Variants in HERC2 observed in about 807,000 individuals in gnomAD.
HERC2 encodes the protein HECT and RLD domain containing E3 ubiquitin protein ligase 2.
HERC2 carries 102 observed loss-of-function variants against 537.7 expected under a neutral mutation model. The observed-to-expected ratio is 0.19, with a 90% CI of 0.16 to 0.22. The LOEUF (loss-of-function observed/expected upper bound fraction) is 0.22. HERC2 is among the 10% of genes least tolerant of loss of function. The pLI is 1.00. For missense variants in HERC2, 4,236 were observed against 6,198.2 expected (o/e 0.68, Z 10.63); for synonymous variants, 2,224 against 2,466.2 (o/e 0.90, Z 2.91).
At chr15:28,127,726 A>G (rs1175016401) in intron 83 of HERC2, among the ~76,000 whole-genome samples, 1 of 152,160 alleles carries the variant, frequency 6.6e-6, no homozygotes, top group Non-Finnish European at 1.5e-5. Flanking sequence ...TTCTTCTGCC[A>G]GAGCAAGGAA....
chr15:28,272,158 T>C, intron 9 of HERC2, 57 bp downstream of exon 9: 3 of 1,478,558 alleles, frequency 2.0e-6, no homozygotes, highest in East Asian at 2.3e-5. Flanking sequence ...TAGTCTTGCT[T>C]TAAAAGTAAC....
chr15:28,272,156 C>G (rs1417488907), intron 9 of HERC2, 59 bp downstream of exon 9: 24 of 1,463,088 alleles, frequency 1.6e-5, no homozygotes, highest in Non-Finnish European at 2.2e-5. Context: ...GCTAGTCTTG[C>G]TTTAAAAGTA....
Position 28,274,955 on chromosome 15 carries a change from C to T in HERC2, c.593G>A (p.Arg198Gln), listed in dbSNP as rs2075832691. Reference protein sequence around the residue: ...GVEGLARVGSRAALSFAFAFL... With the variant: ...GVEGLARVGSQAALSFAFAFL... ...GGCAAAGGCAAAAGACAGCGCCGCT[C>T]GGGATCCCACTCTGGCGAGCCCCTC... The change falls in exon 6 of 93, where the codon CGA becomes CAA. Residue 198 changes from arginine to glutamine, a missense_variant. Physicochemically the swap from Arg to Gln is conservative, Grantham distance 43. Around this residue, in one of 27 missense-constraint regions of HERC2, gnomAD observed 491 missense variants for 559.3 expected, o/e 0.88. Coordinates refer to ENST00000261609, the MANE Select transcript of HERC2 (RefSeq NM_004667.6). 1.2e-6 allele frequency: 2 copies of T among 1,610,270 alleles called. No individual in the cohort carries two copies. Among genetic ancestry groups the T allele is most frequent in the Non-Finnish European group, 1.7e-6 (2 of 1,179,984 alleles).
At chr15:28,256,542 C>G (rs562118418) in intron 17 of HERC2, among the ~76,000 whole-genome samples, 14 of 152,266 alleles carry the variant, frequency 9.2e-5, no homozygotes, top group African/African-American at 3.4e-4. Context: ...ATGGAAAGCT[C>G]AAGATCAGCA....
chr15:28,306,059 A>C (rs888999016), intron 2 of HERC2, among the ~76,000 whole-genome samples: 1 of 152,184 alleles, frequency 6.6e-6, no homozygotes, highest in African/African-American at 2.4e-5. Context: ...GAGAAATAGG[A>C]ACACTTTTAC....
At chr15:28,168,047 G>A (rs1450743977) in intron 67 of HERC2, among the ~76,000 whole-genome samples, 1 of 152,132 alleles carries the variant, frequency 6.6e-6, no homozygotes, top group Admixed American at 6.5e-5. Flanking sequence ...ATATTTTCAA[G>A]AATAACTATT....
At chr15:28,320,089 A>G (rs2077191371) in intron 2 of HERC2, 1 of 151,988 alleles carries the variant, frequency 6.6e-6, no homozygotes, top group African/African-American at 2.4e-5. Flanking sequence ...GTAACATTAC[A>G]CTATGAATAA....
chr15:28,315,265 C>T (rs1224805485), intron 2 of HERC2, among the ~76,000 whole-genome samples: 1 of 152,250 alleles, frequency 6.6e-6, no homozygotes, highest in Non-Finnish European at 1.5e-5. Context: ...ACAGGGAATT[C>T]ACACCCACAC....
chr15:28,220,609 A>G lies in HERC2; in HGVS notation c.5688T>C (p.Gly1896=). 1 of 1,603,994 alleles carries G rather than the reference A, an allele frequency of 6.2e-7. No homozygotes were observed. Among genetic ancestry groups the G allele is most frequent in the Non-Finnish European group, 8.5e-7 (1 of 1,179,820 alleles). The change falls in exon 37 of 93, where the codon GGT becomes GGC. Residue 1896 remains glycine, a synonymous_variant. Transcript: ENST00000261609. ...TTATCCATCCGTCCTCTCCCAGCTC[A>G]CCAATCACGCGGCCTAGGCCTGGAG... ...GPPPGLGRVI[G]ELGEDGWIRV... is the part of the protein sequence containing the mutation.
At position 28,214,220 on chromosome 15, in the gene HERC2, G is replaced by A. The variant is rs750377684; in HGVS notation, c.6411C>T (p.Thr2137=). 36 of 1,612,222 alleles carry A rather than the reference G, an allele frequency of 2.2e-5. No homozygotes were observed. In the South Asian group the frequency reaches 3.3e-4, roughly 15 times the overall value. The part of the protein sequence containing the change: ...RVRPQASLTA[T]HSSTLAEEVV... ...CCTCCTCCGCCAGTGTGCTGCTGTG[G>A]GTGGCAGTCAGCGAGGCCTGCGGGC... The change falls in exon 41 of 93, where the codon ACC becomes ACT. Residue 2137 remains threonine (T), a synonymous_variant. Transcript: ENST00000261609.
At chr15:28,145,153 G>C (rs1432220592) in intron 71 of HERC2, among the ~76,000 whole-genome samples, 1 of 152,206 alleles carries the variant, frequency 6.6e-6, no homozygotes, top group Non-Finnish European at 1.5e-5. Context: ...CAGGCCAGGG[G>C]CCATGGGGAC....
intron 69 of HERC2, among the ~76,000 whole-genome samples, chr15:28,155,328 G>A (rs1892885972): frequency 6.6e-6 from 1 of 152,148 alleles, no homozygotes; most frequent in African/African-American, 2.4e-5. Flanking sequence ...CTAGATCCCT[G>A]AGGAATCGCC....
At chr15:28,252,082 C>G (rs979544262) in intron 20 of HERC2, among the ~76,000 whole-genome samples, 8 of 152,126 alleles carry the variant, frequency 5.3e-5, no homozygotes, top group African/African-American at 1.9e-4. Flanking sequence ...TACTTAAGTG[C>G]TTCCTAATAA....
In HERC2 at chr15:28,255,812, T is replaced by A. The variant is rs1374239193; in HGVS notation, c.2871+60A>T. 2.6e-6 allele frequency: 4 copies of A among 1,543,020 alleles called. No individual in the cohort carries two copies. The African/African-American group carries it at 5.4e-5, about 21-fold the overall frequency. ...TGTTTTCAGTTATTCTTCACGTGTG[T>A]GAGTGTGGTATTTCTGATCTCAGTG... On this transcript the variant is annotated intron_variant, in intron 19 of 92. Transcript: ENST00000261609.
intron 69 of HERC2, among the ~76,000 whole-genome samples, chr15:28,155,716 T>A (rs1404017557): frequency 6.6e-6 from 1 of 152,160 alleles, no homozygotes; most frequent in Admixed American, 6.5e-5. Context: ...GTAGGTTGCC[T>A]GTTCACTCTG....
intron 30 of HERC2, 117 bp from the exon 31 acceptor site, chr15:28,230,617 A>T: frequency 1.5e-6 from 1 of 687,962 alleles, no homozygotes; most frequent in South Asian, 1.9e-5. Context: ...ACATCTGAAC[A>T]ACATTATAAA....
intron 2 of HERC2, among the ~76,000 whole-genome samples, chr15:28,300,951 T>C (rs1384616224): frequency 6.6e-6 from 1 of 150,976 alleles, no homozygotes; most frequent in Non-Finnish European, 1.5e-5. Context: ...ATATATTTGC[T>C]TACTCTGTTT....
At chr15:28,272,756 A>C in intron 8 of HERC2, 138 bp downstream of exon 8, 2 of 605,120 alleles carry the variant, frequency 3.3e-6, no homozygotes, top group South Asian at 2.1e-5. Context: ...AAAGAGAGAG[A>C]GCCCTGGGAC....
chr15:28,273,429 A>G (rs2075792907), intron 7 of HERC2, among the ~76,000 whole-genome samples: 1 of 152,244 alleles, frequency 6.6e-6, no homozygotes, highest in Non-Finnish European at 1.5e-5. Flanking sequence ...TGTCAACACT[A>G]ATTTCTATCT....
Sources: allele counts gnomAD v4.1 joint callset (sites outside exome capture counted in the v4.1 genomes callset), GRCh38; gene constraint gnomAD v4.1.1; regional missense constraint gnomAD v4.1.1; transcripts MANE v1.5; gene names NCBI Gene and HGNC (gene_info 2026-07-23, HGNC 2026-07-21).